The following APBB2 variants were observed in gnomAD, a reference collection of about 807,000 sequenced individuals.
APBB2 encodes amyloid beta precursor protein binding family B member 2.
In APBB2, 38 loss-of-function variants were observed where a neutral mutation model predicts 82.5. The observed-to-expected ratio is 0.46, with a 90% confidence interval of 0.36 to 0.60. The LOEUF (loss-of-function observed/expected upper bound fraction) is 0.60. Among genes scored for constraint, APBB2 ranks in the 20% least tolerant of loss-of-function variants. The pLI is 0.00. For missense variants in APBB2, 772 were observed against 972.3 expected (o/e 0.79, Z 2.74); for synonymous variants, 341 against 368.2 (o/e 0.93, Z 0.85).
At chr4:41,176,345 C>T (rs560175768) in intron 1 of APBB2, among the ~76,000 whole-genome samples, 5 of 151,866 alleles carry the variant, frequency 3.3e-5, no homozygotes, top group Non-Finnish European at 5.9e-5. Flanking sequence ...ATATCTACAC[C>T]CAATTCCCAT....
In APBB2 at chr4:40,846,137, C is replaced by G. The variant is rs192657330; in HGVS notation, c.1530-15560G>C. On this transcript the variant is annotated intron_variant, in intron 12 of 17. Coordinates refer to ENST00000508593, the MANE Select transcript of APBB2 (RefSeq NM_004307.2). ...GTGAAATGGGAATCATAGAGGCCTT[C>G]AGGTCCTGAGAGTGCCATAAAATTC... Among the ~76,000 whole-genome samples, 545 of 151,772 alleles carry G rather than the reference C, an allele frequency of 3.6e-3. 2 individuals carry two copies. The highest frequency in any genetic ancestry group is 6.4e-3 in the Non-Finnish European group (437 of 67,948).
intron 4 of APBB2, among the ~76,000 whole-genome samples, chr4:41,034,257 C>T (rs1464476131): frequency 6.6e-6 from 1 of 152,120 alleles, no homozygotes; most frequent in East Asian, 1.9e-4. Context: ...TACACCCATA[C>T]AATGAAGTAC....
At chr4:40,948,486 G>A (rs1390216006) in intron 6 of APBB2, among the ~76,000 whole-genome samples, 1 of 151,984 alleles carries the variant, frequency 6.6e-6, no homozygotes, top group East Asian at 1.9e-4. Context: ...GACGGCTAGG[G>A]GCAGTGGCTC....
At chr4:40,972,056 A>G (rs1796053377) in intron 6 of APBB2, among the ~76,000 whole-genome samples, 1 of 152,238 alleles carries the variant, frequency 6.6e-6, no homozygotes, top group African/African-American at 2.4e-5. Flanking sequence ...TCCCACAAAT[A>G]AAAATCCACA....
At chr4:41,051,041 A>G (rs1184515532) in intron 4 of APBB2, among the ~76,000 whole-genome samples, 1 of 150,442 alleles carries the variant, frequency 6.6e-6, no homozygotes, top group South Asian at 2.1e-4. Context: ...GACCTCCTCT[A>G]TCTCCAGCTA....
At position 40,826,107 on chromosome 4, in the gene APBB2, C is replaced by G; in HGVS notation, c.1733-137G>C. On this transcript the variant is annotated intron_variant, in intron 14 of 17. Coordinates refer to ENST00000508593, the MANE Select transcript of APBB2 (RefSeq NM_004307.2). This position sits in a 1 kb window ranked among gnomAD's most constrained non-coding sequence, Gnocchi z 4.5. Reference sequence around the variant, plus strand: ...CCTATGTTTCTGGATGTAAATGTAACAACTATTCTACAAGAGCAGCATTAC... The same window carrying G: ...CCTATGTTTCTGGATGTAAATGTAAGAACTATTCTACAAGAGCAGCATTAC... 1.4e-6 allele frequency: 1 copy of G among 692,896 alleles called. No homozygotes were observed. The highest frequency in any genetic ancestry group is 1.8e-5 in the African/African-American group (1 of 55,948). 42.9% of individuals were successfully genotyped at this position (692,896 alleles called of 1,614,324 possible).
chr4:40,943,733 T>C (rs1489670566), intron 7 of APBB2, among the ~76,000 whole-genome samples: 1 of 152,214 alleles, frequency 6.6e-6, no homozygotes, highest in African/African-American at 2.4e-5. Flanking sequence ...AAGCCCTATA[T>C]GGGGTTCAGC....
Position 40,934,460 on chromosome 4 carries a change from G to A in APBB2, c.1250C>T (p.Ala417Val). The A allele has an allele frequency of 6.2e-7, 1 of 1,614,092 alleles. No homozygotes were observed. Among genetic ancestry groups the A allele is most frequent in the African/African-American group, 1.3e-5 (1 of 75,056 alleles). Residue 417 changes from alanine (A) to valine (V), a missense_variant, in exon 10 of 18, where the codon GCC becomes GTC. By Grantham distance (64) the Ala-to-Val change is moderately conservative. Coordinates refer to ENST00000508593, the MANE Select transcript of APBB2 (RefSeq NM_004307.2). ...TGAAAGCAAGTCTTTACAAACCTTG[G>A]CTTCTGGGTCACTGTTGATACTACA... ...DSCSINSDPE[A>V]KCFAVRSLGW...
intron 7 of APBB2, among the ~76,000 whole-genome samples, chr4:40,942,372 G>A (rs1000526988): frequency 2.0e-5 from 3 of 152,184 alleles, no homozygotes; most frequent in African/African-American, 7.2e-5. Flanking sequence ...AGAGAGGAAT[G>A]GAACTGATAG....
At chr4:40,893,960 C>T (rs187154495) in intron 10 of APBB2, among the ~76,000 whole-genome samples, 2 of 143,430 alleles carry the variant, frequency 1.4e-5, no homozygotes, top group East Asian at 2.1e-4. Context: ...GGAGACACAG[C>T]GAGACTCCAT....
At chr4:40,823,822 C>T in intron 15 of APBB2, 63 bp from the exon 16 acceptor site, 1 of 1,000,220 alleles carries the variant, frequency 1.0e-6, no homozygotes, top group Non-Finnish European at 1.6e-6. Flanking sequence ...AAATGTGGGC[C>T]CAAATCACCA....
chr4:41,100,196 T>C (rs1301339321), intron 3 of APBB2, among the ~76,000 whole-genome samples: 1 of 152,200 alleles, frequency 6.6e-6, no homozygotes, highest in Non-Finnish European at 1.5e-5. Context: ...TTTGCTTTCC[T>C]TTCCAGACAA....
At chr4:40,853,256 C>T (rs370699445) in intron 12 of APBB2, among the ~76,000 whole-genome samples, 3 of 152,122 alleles carry the variant, frequency 2.0e-5, no homozygotes, top group African/African-American at 4.8e-5. Context: ...TATCTATTCC[C>T]TGAGATCTTT....
At chr4:40,862,231 T>G (rs771724903) in intron 12 of APBB2, among the ~76,000 whole-genome samples, 3 of 152,244 alleles carry the variant, frequency 2.0e-5, no homozygotes, top group Admixed American at 6.5e-5. Flanking sequence ...TAGGACAATG[T>G]TCACGCTATT....
intron 6 of APBB2, among the ~76,000 whole-genome samples, chr4:40,960,177 G>A (rs778708636): frequency 1.3e-5 from 2 of 151,956 alleles, no homozygotes; most frequent in Non-Finnish European, 2.9e-5. Flanking sequence ...AGAGAAAAAC[G>A]TTTTTCTGAG....
At chr4:41,029,765 T>A (rs1386612346) in intron 5 of APBB2, among the ~76,000 whole-genome samples, 1 of 152,000 alleles carries the variant, frequency 6.6e-6, no homozygotes, top group Non-Finnish European at 1.5e-5. Flanking sequence ...TGGCAGAAAA[T>A]CAGATTACAC....
intron 8 of APBB2, 36 bp from the exon 9 acceptor site, chr4:40,934,735 G>A (rs1371897141): frequency 2.1e-6 from 3 of 1,438,990 alleles, no homozygotes; most frequent in African/African-American, 1.4e-5. Context: ...TGTACAATGG[G>A]GGAGAAGACC....
intron 6 of APBB2, among the ~76,000 whole-genome samples, chr4:40,978,048 C>A (rs1203880295): frequency 2.0e-5 from 3 of 152,300 alleles, no homozygotes; most frequent in Non-Finnish European, 2.9e-5. Flanking sequence ...CAACAAGGTG[C>A]TCATATAGAA....
At chr4:41,130,722 T>C (rs916140370) in intron 2 of APBB2, among the ~76,000 whole-genome samples, 5 of 152,112 alleles carry the variant, frequency 3.3e-5, no homozygotes, top group African/African-American at 1.2e-4. Context: ...CAGAGGCCAG[T>C]CTCCTCGAGT....
Sources: gnomAD v4.1 joint callset for allele counts (sites outside exome capture counted in the v4.1 genomes callset) on GRCh38, gnomAD v4.1.1 for gene constraint, Gnocchi (gnomAD v3.1) non-coding constraint, MANE v1.5 for transcripts, NCBI Gene and HGNC (gene_info 2026-07-23, HGNC 2026-07-21) for gene names.